Variants in NKTR observed in about 807,000 individuals in gnomAD.
NKTR encodes NK-tumor recognition protein.
Under a neutral mutation model 156.3 loss-of-function variants are expected in NKTR, and 67 were observed. The observed-to-expected ratio is 0.43, with a 90% CI of 0.35 to 0.53. The LOEUF (loss-of-function observed/expected upper bound fraction) is 0.53. Ranked by LOEUF, NKTR falls within the 20% of genes least tolerant of loss-of-function variation. The pLI is 0.01. For synonymous variants in NKTR, 640 were observed against 596.6 expected (o/e 1.07, Z -1.06); for missense variants, 1,604 against 1,730.9 (o/e 0.93, Z 1.30).
rs1386813460 is a variant in NKTR at position 42,637,024 on chromosome 3, G to A, written c.1320G>A (p.Lys440=). 1 of 1,611,860 alleles carries A rather than the reference G, an allele frequency of 6.2e-7. No homozygotes were observed. Among genetic ancestry groups the A allele is most frequent in the Non-Finnish European group, 8.5e-7 (1 of 1,179,462 alleles). Residue 440 remains lysine, a synonymous_variant, in exon 13 of 17, where the codon AAG becomes AAA. Transcript: ENST00000232978. ...AAGAAAAAAAGGTTAAGCATAAAAA[G>A]AAAGGGAAAAAGCAGAAACACTGCA... The part of the protein sequence containing the change: ...RRKEKKVKHK[K]KGKKQKHCRR...
At chr3:42,633,045 A>G in intron 9 of NKTR, 1 of 1,221,898 alleles carries the variant, frequency 8.2e-7, no homozygotes, top group South Asian at 3.2e-5. Flanking sequence ...AGTCCTAAGA[A>G]CTCTTTTTTT....
intron 3 of NKTR, 23 bp from the exon 4 acceptor site, chr3:42,618,994 TTTC>T: frequency 6.5e-7 from 1 of 1,527,498 alleles, no homozygotes; most frequent in South Asian, 1.2e-5. Flanking sequence ...TTAAACTTCA[TTTC>T]TTTTTTTTTT....
At chr3:42,629,993 G>A in intron 6 of NKTR, 1 of 985,412 alleles carries the variant, frequency 1.0e-6, no homozygotes, top group Non-Finnish European at 1.2e-6. Context: ...TTCACCTTGG[G>A]TGAAGGAAGA....
At chr3:42,633,050 T>C in intron 9 of NKTR, 1 of 1,210,774 alleles carries the variant, frequency 8.3e-7, no homozygotes, top group Non-Finnish European at 1.0e-6. Flanking sequence ...TAAGAACTCT[T>C]TTTTTAAGAG....
chr3:42,618,499 C>T (rs539057682), intron 3 of NKTR, among the ~76,000 whole-genome samples: 34 of 152,088 alleles, frequency 2.2e-4, no homozygotes, highest in African/African-American at 7.7e-4. Context: ...GGCTGGAGTG[C>T]GGTAGTGTGA....
chr3:42,637,815 G>T lies in NKTR; in HGVS notation c.2111G>T (p.Arg704Ile). The part of the protein sequence containing the change: ...SRSSRSRSYS[R>I]SYTRSRSLAS... ...TCTTCTAGGAGTAGATCTTATTCCA[G>T]ATCATATACAAGATCACGTAGTCTA... The change falls in exon 13 of 17, where the codon AGA becomes ATA. Residue 704 changes from arginine (R) to isoleucine (I), a missense_variant. Arg to Ile is a moderately conservative substitution (Grantham distance 97, BLOSUM62 -3). Coordinates refer to ENST00000232978, the MANE Select transcript of NKTR (RefSeq NM_005385.4). 1 of 1,613,978 alleles carries T rather than the reference G, an allele frequency of 6.2e-7. No individual in the cohort carries two copies.
rs1012177386 is a variant in NKTR, at chr3:42,629,525, T to C, written c.375-1021T>C. The C allele has an allele frequency of 8.1e-6, 8 of 983,460 alleles. No homozygotes were observed. The South Asian group carries it at 1.9e-4, about 23-fold the overall frequency. 60.9% of individuals were successfully genotyped at this position (983,460 alleles called of 1,614,324 possible). Reference sequence around the variant, plus strand: ...TACATGTCTTAAAATTGCCTTAAAATGAATACAGAAATTTATATGGCAGCT... The same window carrying C: ...TACATGTCTTAAAATTGCCTTAAAACGAATACAGAAATTTATATGGCAGCT... On this transcript the variant is annotated intron_variant, in intron 6 of 16. Coordinates refer to ENST00000232978, the MANE Select transcript of NKTR (RefSeq NM_005385.4).
chr3:42,600,974 T>A lies in NKTR; in HGVS notation c.-23-10T>A. The A allele has an allele frequency of 6.8e-7, 1 of 1,475,018 alleles. No individual in the cohort carries two copies. Among genetic ancestry groups the A allele is most frequent in the Non-Finnish European group, 9.1e-7 (1 of 1,096,828 alleles). The allele number at this position is 1,475,018 out of a possible 1,614,324, so 91.4% of individuals were successfully genotyped here. A position where few individuals can be genotyped will look rare whatever the true frequency, so the allele number is the denominator to read the frequency against. On this transcript the variant is annotated splice_polypyrimidine_tract_variant and intron_variant, in intron 1 of 16. Coordinates refer to ENST00000232978, the MANE Select transcript of NKTR (RefSeq NM_005385.4). ...CCTGCCCTGACCGCTTTTCTCCCCC[T>A]CTCTCCCAGCTCTTGCCGCCACCTC... is the stretch of plus-strand genomic sequence containing the variant.
chr3:42,636,890 C>T lies in NKTR; in HGVS notation c.1186C>T (p.Arg396Ter), dbSNP rs138899615. ...GDKLSDPCSS[R>*]WDERSLSQRS... Reference sequence around the variant, plus strand: ...TAGGTTAAGTGACCCCTGTTCAAGCCGATGGGATGAAAGAAGCTTGTCTCA... The same window carrying T: ...TAGGTTAAGTGACCCCTGTTCAAGCTGATGGGATGAAAGAAGCTTGTCTCA... Residue 396 changes from arginine to a stop codon, truncating the protein, a stop_gained, in exon 13 of 17, where the codon CGA becomes TGA. Transcript: ENST00000232978. LOFTEE classifies it high-confidence loss of function. The T allele has an allele frequency of 6.4e-7, 1 of 1,572,244 alleles. No individual in the cohort carries two copies.
chr3:42,637,065 C>T lies in NKTR; in HGVS notation c.1361C>T (p.Thr454Ile). 6.2e-7 allele frequency: 1 copy of T among 1,604,524 alleles called. No homozygotes were observed. The highest frequency in any genetic ancestry group is 1.4e-5 in the African/African-American group (1 of 73,838). ...KQKHCRRHKQ[T>I]KKRRILIPSD... Reference sequence around the variant, plus strand: ...AAACACTGCAGAAGACACAAACAAACAAAGAAGAGAAGGATTCTTATACCG... The same window carrying T: ...AAACACTGCAGAAGACACAAACAAATAAAGAAGAGAAGGATTCTTATACCG... Residue 454 changes from threonine (T) to isoleucine (I), a missense_variant, in exon 13 of 17, where the codon ACA (threonine) becomes ATA (isoleucine). Physicochemically the swap from Thr to Ile is moderately conservative, Grantham distance 89. This residue lies in a region of NKTR where 1,255 missense variants were observed against 1,243.7 expected (regional missense o/e 1.01). Coordinates refer to ENST00000232978, the MANE Select transcript of NKTR (RefSeq NM_005385.4).
At position 42,629,972 on chromosome 3, in the gene NKTR, C is replaced by T. The variant is rs898008411; in HGVS notation, c.375-574C>T. 10 of 985,242 alleles carry T rather than the reference C, an allele frequency of 1.0e-5. No individual in the cohort carries two copies. The Admixed American group carries it at 4.3e-4, about 42-fold the overall frequency. The allele number at this position is 985,242 out of a possible 1,614,324, so 61.0% of individuals were successfully genotyped here. ...CTCCCTATCGCATTTTCAGAGTTGC[C>T]GTGTCAGAGCTTCACCTTGGGTGAA... On this transcript the variant is annotated intron_variant, in intron 6 of 16. Coordinates refer to ENST00000232978, the MANE Select transcript of NKTR (RefSeq NM_005385.4).
chr3:42,623,793 TTGAG>T (rs1396903125), intron 6 of NKTR: 2 of 152,116 alleles, frequency 1.3e-5, no homozygotes, highest in African/African-American at 2.4e-5. Flanking sequence ...ATAGGGCACT[TTGAG>T]TGGCAGTTCT....
intron 2 of NKTR, among the ~76,000 whole-genome samples, chr3:42,604,623 A>G (rs947319819): frequency 7.0e-6 from 1 of 143,258 alleles, no homozygotes; most frequent in African/African-American, 2.6e-5. Context: ...GTCTGCAACT[A>G]TAACAACTGT....
rs116293847 is a variant in NKTR, at chr3:42,643,542, C to T, written c.4199+147C>T. The T allele has an allele frequency of 2.5e-3, 1,687 of 685,156 alleles. 26 individuals are homozygous for T. The African/African-American group carries it at 0.027, about 11-fold the overall frequency. The allele number at this position is 685,156 out of a possible 1,614,324, so 42.4% of individuals were successfully genotyped here. ...ATACCTTTTCTAAATGAGGTCTGTT[C>T]GACAAGTTTTATCTGTTGGCCCATT... On this transcript the variant is annotated intron_variant, in intron 15 of 16. Transcript: ENST00000232978.
chr3:42,619,871 T>G (rs1424413157), intron 5 of NKTR, 163 bp downstream of exon 5: 21 of 1,407,454 alleles, frequency 1.5e-5, no homozygotes, highest in Non-Finnish European at 1.9e-5. Flanking sequence ...TAAATTATAT[T>G]GTAATATATA....
Position 42,630,582 on chromosome 3 carries a change from G to A in NKTR, c.404+7G>A. 6.2e-7 allele frequency: 1 copy of A among 1,613,646 alleles called. No homozygotes were observed. ...CTGCTCCACACCTGGATGGGTAAGA[G>A]TTACATTCTTACTACATTGGGGAAG... On this transcript the variant is annotated splice_region_variant and intron_variant, in intron 7 of 16. Coordinates refer to ENST00000232978, the MANE Select transcript of NKTR (RefSeq NM_005385.4).
chr3:42,631,761 T>C (rs1043409392), intron 8 of NKTR, among the ~76,000 whole-genome samples: 56 of 152,312 alleles, frequency 3.7e-4, no homozygotes, highest in African/African-American at 1.3e-3. Context: ...CAGAAGTCTT[T>C]ATGGTGGTCT....
At position 42,636,850 on chromosome 3, in the gene NKTR, A is replaced by G; in HGVS notation, c.1164-18A>G. On this transcript the variant is annotated intron_variant, in intron 12 of 16. Coordinates refer to ENST00000232978, the MANE Select transcript of NKTR (RefSeq NM_005385.4). ...CATGCTTATAAATCACCGCATGAAT[A>G]TTATGTCCTTTCTATAGGTTAAGTG... 1 of 1,538,380 alleles carries G rather than the reference A, an allele frequency of 6.5e-7. No individual in the cohort carries two copies. The highest frequency in any genetic ancestry group is 8.7e-7 in the Non-Finnish European group (1 of 1,149,122).
chr3:42,631,161 A>G lies in NKTR; in HGVS notation c.405-10A>G. 2 of 1,612,894 alleles carry G rather than the reference A, an allele frequency of 1.2e-6. No individual in the cohort carries two copies. Among genetic ancestry groups the G allele is most frequent in the East Asian group, 2.2e-5 (1 of 44,844 alleles). ...CAAACCAGTTGTTTCTTGAATTTGT[A>G]TTATGACAGGGTGCATGTAGTCTTT... On this transcript the variant is annotated splice_polypyrimidine_tract_variant and intron_variant, in intron 7 of 16. Coordinates refer to ENST00000232978, the MANE Select transcript of NKTR (RefSeq NM_005385.4).
Sources: gnomAD v4.1 joint callset for allele counts (sites outside exome capture counted in the v4.1 genomes callset) on GRCh38, gnomAD v4.1.1 for gene constraint, gnomAD v4.1.1 regional missense constraint, MANE v1.5 for transcripts, NCBI Gene and HGNC (gene_info 2026-07-23, HGNC 2026-07-21) for gene names.